KCNQ2: variants seen among roughly 807,000 people sequenced by gnomAD.
KCNQ2 encodes potassium voltage-gated channel subfamily Q member 2.
In KCNQ2, 14 loss-of-function variants were observed where a neutral mutation model predicts 84.8. The ratio of observed to expected loss-of-function variants is 0.17; its 90% confidence interval spans 0.11 to 0.26. The LOEUF is 0.26. KCNQ2 is among the 10% of genes least tolerant of loss of function. The pLI is 1.00. For synonymous variants in KCNQ2, 599 were observed against 554.1 expected (o/e 1.08, Z -1.14); for missense variants, 788 against 1,254.0 (o/e 0.63, Z 5.61).
intron 12 of KCNQ2, among the ~76,000 whole-genome samples, chr20:63,417,423 C>T (rs2080330243): frequency 6.6e-6 from 1 of 152,238 alleles, no homozygotes. Context: ...GAGGCAGGTC[C>T]AGTCACCAGA....
At position 63,414,789 on chromosome 20, in the gene KCNQ2, C is replaced by T. The variant is rs930350940; in HGVS notation, c.1525+114G>A. 2.1e-6 allele frequency: 2 copies of T among 970,672 alleles called. No individual in the cohort carries two copies. The highest frequency in any genetic ancestry group is 1.6e-5 in the African/African-American group (1 of 62,420). The allele number at this position is 970,672 out of a possible 1,614,324, so 60.1% of individuals were successfully genotyped here. On this transcript the variant is annotated intron_variant, in intron 13 of 16. Coordinates refer to ENST00000359125, the MANE Select transcript of KCNQ2 (RefSeq NM_172107.4). This position sits in a 1 kb window ranked among gnomAD's most constrained non-coding sequence, Gnocchi z 6.6. The stretch of plus-strand genomic sequence containing the variant: ...TCAATTTTAGAAAGGATAGGGGGTT[C>T]CCACTCCAAGAGCAAGCAAAAGCAG...
At chr20:63,462,443 A>G (rs1401631136) in intron 1 of KCNQ2, among the ~76,000 whole-genome samples, 1 of 151,968 alleles carries the variant, frequency 6.6e-6, no homozygotes, top group Non-Finnish European at 1.5e-5. Context: ...ACCTACCCCA[A>G]GGAACAGGGC....
At chr20:63,470,637 C>T (rs2082193813) in intron 1 of KCNQ2, among the ~76,000 whole-genome samples, 1 of 152,190 alleles carries the variant, frequency 6.6e-6, no homozygotes, top group Non-Finnish European at 1.5e-5. Context: ...AGACGCAGAG[C>T]GGGGCGCTGG....
At chr20:63,421,373 G>C (rs1201377274) in intron 11 of KCNQ2, among the ~76,000 whole-genome samples, 1 of 152,222 alleles carries the variant, frequency 6.6e-6, no homozygotes, top group African/African-American at 2.4e-5. Context: ...GGGGCAACGT[G>C]GTCTGAGAGC....
intron 2 of KCNQ2, chr20:63,445,707 A>ACCCTGTCTGAGCTGGGAGG (rs1462845099): frequency 0.023 from 7,885 of 336,574 alleles, 840 homozygotes; most frequent in East Asian, 0.1. Context: ...GGGCTAGGGA[A>ACCCTGTCTGAGCTGGGAGG]CCCTGTCTGA....
Position 63,431,352 on chromosome 20 carries a change from T to G in KCNQ2, c.1136A>C (p.Tyr379Ser), listed in dbSNP as rs752773828. 6.2e-7 allele frequency: 1 copy of G among 1,613,582 alleles called. No individual in the cohort carries two copies. The change falls in exon 9 of 17, where the codon TAC becomes TCC. Residue 379 changes from tyrosine to serine, a missense_variant. Physicochemically the swap from Tyr to Ser is moderately radical, Grantham distance 144. This residue lies in a region of KCNQ2 where 202 missense variants were observed against 239.4 expected (regional missense o/e 0.84). Coordinates refer to ENST00000359125, the MANE Select transcript of KCNQ2 (RefSeq NM_172107.4). ...VPMYSSQTQTYGASRLIPPLN... is the reference protein window; with the variant it reads ...VPMYSSQTQTSGASRLIPPLN... ...ATGCATTTCCTACCTGGAGGCCCCG[T>G]AGGTTTGAGTTTGCGAACTTTCAAG...
At chr20:63,410,716 C>T (rs748751761) in intron 15 of KCNQ2, among the ~76,000 whole-genome samples, 4 of 152,334 alleles carry the variant, frequency 2.6e-5, no homozygotes, top group Non-Finnish European at 5.9e-5. Context: ...GACACTTGGC[C>T]TCACAGGCAG....
rs113724995 is a variant in KCNQ2 at position 63,446,723 on chromosome 20, C to G, written c.387+24G>C. ...CCAGCTCCTTCCTGGGCACTTCCAG[C>G]CCCCGCCCTCCCTCGGGGCTCACCA... On this transcript the variant is annotated intron_variant, in intron 2 of 16. Transcript: ENST00000359125. This position sits in a 1 kb window ranked among gnomAD's most constrained non-coding sequence, Gnocchi z 5.5. 47 of 1,598,094 alleles carry G rather than the reference C, an allele frequency of 2.9e-5. No individual in the cohort carries two copies. In the African/African-American group the frequency reaches 4.6e-4, roughly 15 times the overall value.
chr20:63,446,663 A>G lies in KCNQ2; in HGVS notation c.387+84T>C. The G allele has an allele frequency of 1.8e-6, 2 of 1,139,124 alleles. No homozygotes were observed. Among genetic ancestry groups the G allele is most frequent in the Non-Finnish European group, 2.7e-6 (2 of 750,952 alleles). 70.6% of individuals were successfully genotyped at this position (1,139,124 alleles called of 1,614,324 possible). ...GGGCTGGGGGCGTCAGAGGCCCTGT[A>G]GTAACAGGAACGGAAGACAGACGCC... On this transcript the variant is annotated intron_variant, in intron 2 of 16. Transcript: ENST00000359125. The surrounding 1 kb of genome is among the most constrained non-coding windows in gnomAD (Gnocchi z 5.5).
intron 5 of KCNQ2, among the ~76,000 whole-genome samples, chr20:63,441,869 G>A (rs1003580550): frequency 3.3e-5 from 5 of 152,236 alleles, no homozygotes; most frequent in Admixed American, 6.5e-5. Flanking sequence ...CGGCATGTGC[G>A]GGGCTAGGCC....
intron 11 of KCNQ2, 56 bp downstream of exon 11, chr20:63,424,121 G>C: frequency 1.3e-6 from 2 of 1,543,352 alleles, no homozygotes; most frequent in Non-Finnish European, 1.8e-6. Flanking sequence ...GTGTGGGAGA[G>C]AGACCAGACG....
chr20:63,408,279 G>A lies in KCNQ2; in HGVS notation c.1887+134C>T. On this transcript the variant is annotated intron_variant, in intron 16 of 16. Coordinates refer to ENST00000359125, the MANE Select transcript of KCNQ2 (RefSeq NM_172107.4). The surrounding 1 kb of genome is among the most constrained non-coding windows in gnomAD (Gnocchi z 5.0). Reference sequence around the variant, plus strand: ...GGTCTGCACAGAGCAGCTGTCAGTGGTGACAGGGCCATGTAAACCCTAGAC... The same window carrying A: ...GGTCTGCACAGAGCAGCTGTCAGTGATGACAGGGCCATGTAAACCCTAGAC... 2 of 1,131,510 alleles carry A rather than the reference G, an allele frequency of 1.8e-6. No homozygotes were observed. The highest frequency in any genetic ancestry group is 2.5e-6 in the Non-Finnish European group (2 of 790,696). The allele number at this position is 1,131,510 out of a possible 1,614,324, so 70.1% of individuals were successfully genotyped here.
chr20:63,470,336 G>A (rs886601334), intron 1 of KCNQ2, among the ~76,000 whole-genome samples: 20 of 152,204 alleles, frequency 1.3e-4, no homozygotes, highest in Non-Finnish European at 2.4e-4. Flanking sequence ...TGAGGGTCTC[G>A]CCTGAAGCCC....
chr20:63,431,479 A>G, intron 8 of KCNQ2, 110 bp from the exon 9 acceptor site: 1 of 1,262,476 alleles, frequency 7.9e-7, no homozygotes, highest in Non-Finnish European at 1.2e-6. Flanking sequence ...GGGAAACAAC[A>G]GAACAAAGAA....
intron 15 of KCNQ2, among the ~76,000 whole-genome samples, chr20:63,412,668 C>G (rs1292690795): frequency 6.6e-6 from 1 of 152,208 alleles, no homozygotes; most frequent in Non-Finnish European, 1.5e-5. Context: ...CCCAGGCTGT[C>G]CCTGACCATC....
chr20:63,440,165 G>A (rs897482894), intron 5 of KCNQ2, among the ~76,000 whole-genome samples: 28 of 152,272 alleles, frequency 1.8e-4, no homozygotes, highest in Middle Eastern at 6.8e-3. Flanking sequence ...CACCACAAGA[G>A]GCGGGGGAGT....
intron 8 of KCNQ2, among the ~76,000 whole-genome samples, chr20:63,431,980 GCAGGGAAGGCCCCACCCT>G (rs1220433631): frequency 2.3e-4 from 26 of 115,132 alleles, no homozygotes; most frequent in Non-Finnish European, 2.3e-4. Flanking sequence ...GGCCCCACCC[GCAGGGAAGGCCCCACCCT>G]CAGGGAAGGC....
intron 12 of KCNQ2, among the ~76,000 whole-genome samples, chr20:63,418,332 G>A (rs955804933): frequency 3.9e-5 from 6 of 152,194 alleles, no homozygotes; most frequent in South Asian, 2.1e-4. Flanking sequence ...ACCTGAGAGC[G>A]CGCCATCCCC....
In KCNQ2 at chr20:63,452,325, C is replaced by T. The variant is rs1417621808; in HGVS notation, c.297-5488G>A. Among the ~76,000 whole-genome samples, 7 of 152,230 alleles carry T rather than the reference C, an allele frequency of 4.6e-5. No homozygotes were observed. In the South Asian group the frequency reaches 1.2e-3, roughly 27 times the overall value. On this transcript the variant is annotated intron_variant, in intron 1 of 16. Transcript: ENST00000359125. Reference sequence around the variant, plus strand: ...CCAGTGCCTGCCTCTGAGCTGAGGGCAGCAGGCTGGAAACTCAGCACGACT... The same window carrying T: ...CCAGTGCCTGCCTCTGAGCTGAGGGTAGCAGGCTGGAAACTCAGCACGACT...
Sources: gnomAD v4.1 joint callset for allele counts (sites outside exome capture counted in the v4.1 genomes callset) on GRCh38, gnomAD v4.1.1 for gene constraint, gnomAD v4.1.1 regional missense constraint, Gnocchi (gnomAD v3.1) non-coding constraint, MANE v1.5 for transcripts, NCBI Gene and HGNC (gene_info 2026-07-23, HGNC 2026-07-21) for gene names.